The following ATRNL1 variants were observed in gnomAD, a reference collection of about 807,000 sequenced individuals.
The protein encoded by ATRNL1 is attractin like 1.
Under a neutral mutation model 182.7 loss-of-function variants are expected in ATRNL1, and 95 were observed. The ratio of observed to expected loss-of-function variants is 0.52; its 90% CI spans 0.44 to 0.62. The LOEUF (loss-of-function observed/expected upper bound fraction) is 0.62, where lower values mean the gene tolerates loss of function less well. Ranked by LOEUF, ATRNL1 falls within the 20% of genes least tolerant of loss-of-function variation. The pLI, the probability that ATRNL1 is intolerant of heterozygous loss-of-function variation, is 0.00. For missense variants in ATRNL1, 1,471 were observed against 1,679.5 expected (o/e 0.88, Z 2.17); for synonymous variants, 576 against 568.3 (o/e 1.01, Z -0.19).
chr10:115,372,183 G>A (rs1450099256), intron 19 of ATRNL1, among the ~76,000 whole-genome samples: 6 of 152,138 alleles, frequency 3.9e-5, no homozygotes, highest in Non-Finnish European at 5.9e-5. Context: ...ACTAATACAT[G>A]TTCTTTGTCC....
At chr10:115,767,102 G>A (rs1268308747) in intron 27 of ATRNL1, among the ~76,000 whole-genome samples, 2 of 152,122 alleles carry the variant, frequency 1.3e-5, no homozygotes, top group Admixed American at 1.3e-4. Flanking sequence ...GACTCACAGT[G>A]TCCCGAGAGT....
chr10:115,643,279 AAAT>A (rs1859380862), intron 26 of ATRNL1, among the ~76,000 whole-genome samples: 1 of 152,204 alleles, frequency 6.6e-6, no homozygotes. Context: ...AATATGCAAA[AAAT>A]AATAATAACT....
chr10:115,637,966 G>A (rs148538215), intron 26 of ATRNL1, among the ~76,000 whole-genome samples: 1 of 152,102 alleles, frequency 6.6e-6, no homozygotes, highest in East Asian at 1.9e-4. Flanking sequence ...TATAAATGTA[G>A]TGTGACCTAC....
intron 26 of ATRNL1, among the ~76,000 whole-genome samples, chr10:115,685,786 C>CTT (rs1946198410): frequency 6.6e-6 from 1 of 151,502 alleles, no homozygotes; most frequent in Non-Finnish European, 1.5e-5. Context: ...GCTTTTGATG[C>CTT]TTTTGTTAAG....
intron 21 of ATRNL1, among the ~76,000 whole-genome samples, chr10:115,440,781 A>T (rs1021345295): frequency 1.3e-5 from 2 of 151,776 alleles, no homozygotes; most frequent in Admixed American, 6.6e-5. Context: ...GGGGGGAAAA[A>T]AAAATCATAT....
chr10:115,480,950 C>T (rs1205932171), intron 24 of ATRNL1, among the ~76,000 whole-genome samples: 1 of 150,812 alleles, frequency 6.6e-6, no homozygotes, highest in East Asian at 1.9e-4. Flanking sequence ...TTATGACAAA[C>T]ATTTTCAACT....
intron 28 of ATRNL1, among the ~76,000 whole-genome samples, chr10:115,907,084 A>C (rs782472504): frequency 1.1e-4 from 16 of 150,214 alleles, no homozygotes; most frequent in Non-Finnish European, 1.9e-4. Context: ...TAGATGAGGA[A>C]TTTGAGGTCT....
intron 26 of ATRNL1, among the ~76,000 whole-genome samples, chr10:115,683,797 C>A (rs1400069471): frequency 6.6e-6 from 1 of 151,686 alleles, no homozygotes; most frequent in Non-Finnish European, 1.5e-5. Context: ...TTTGTATAAG[C>A]AAATTGAAAT....
At chr10:115,739,504 C>T (rs1948076980) in intron 27 of ATRNL1, among the ~76,000 whole-genome samples, 1 of 152,158 alleles carries the variant, frequency 6.6e-6, no homozygotes, top group African/African-American at 2.4e-5. Context: ...TAACTGTGCT[C>T]AACAGAATGG....
chr10:115,873,314 A>C (rs1555106532), intron 28 of ATRNL1, among the ~76,000 whole-genome samples: 1 of 152,230 alleles, frequency 6.6e-6, no homozygotes, highest in African/African-American at 2.4e-5. Flanking sequence ...TGTGGGGAAG[A>C]GTCTCCTGGG....
chr10:115,916,608 T>C (rs1169117799), intron 28 of ATRNL1, among the ~76,000 whole-genome samples: 1 of 152,252 alleles, frequency 6.6e-6, no homozygotes, highest in African/African-American at 2.4e-5. Context: ...ATCCTATTTT[T>C]GTACTCATTT....
At chr10:115,372,231 G>T (rs1857433512) in intron 19 of ATRNL1, among the ~76,000 whole-genome samples, 1 of 152,086 alleles carries the variant, frequency 6.6e-6, no homozygotes, top group Non-Finnish European at 1.5e-5. Context: ...TTGCTATTGA[G>T]TTGTTTGAGT....
At chr10:115,739,021 C>T (rs1555066924) in intron 27 of ATRNL1, among the ~76,000 whole-genome samples, 10 of 151,850 alleles carry the variant, frequency 6.6e-5, no homozygotes, top group Non-Finnish European at 1.3e-4. Context: ...TTTTTCATTG[C>T]ACTATTGAAA....
chr10:115,110,133 A>C (rs1470891666), intron 1 of ATRNL1, among the ~76,000 whole-genome samples: 1 of 152,194 alleles, frequency 6.6e-6, no homozygotes, highest in Non-Finnish European at 1.5e-5. Flanking sequence ...TATAATTTCC[A>C]AAAATATAGA....
intron 19 of ATRNL1, among the ~76,000 whole-genome samples, chr10:115,361,880 G>A (rs1592521755): frequency 6.6e-6 from 1 of 152,054 alleles, no homozygotes; most frequent in African/African-American, 2.4e-5. Context: ...TTATGATCAT[G>A]TTCACGTACT....
chr10:115,448,099 G>A (rs80176138), intron 21 of ATRNL1, among the ~76,000 whole-genome samples: 2,832 of 151,252 alleles, frequency 0.019, 105 homozygotes, highest in African/African-American at 0.066. Context: ...CATATTGTTG[G>A]CATTTTCTTA....
At chr10:115,113,904 T>C (rs993816484) in intron 1 of ATRNL1, among the ~76,000 whole-genome samples, 62 of 152,232 alleles carry the variant, frequency 4.1e-4, no homozygotes, top group African/African-American at 1.4e-3. Flanking sequence ...ACTAAATGAC[T>C]GGTATCATTG....
chr10:115,299,995 C>A (rs1853394465), intron 15 of ATRNL1, 39 bp from the exon 16 acceptor site: 1 of 1,474,814 alleles, frequency 6.8e-7, no homozygotes, highest in African/African-American at 1.4e-5. Context: ...ATTTTTACAT[C>A]TAACTTTCTT....
chr10:115,462,431 G>A (rs1565069829), intron 22 of ATRNL1, among the ~76,000 whole-genome samples: 2 of 151,930 alleles, frequency 1.3e-5, no homozygotes, highest in Non-Finnish European at 2.9e-5. Context: ...GGCCAATGTG[G>A]TGAATCCCCA....
Sources: allele counts gnomAD v4.1 joint callset (sites outside exome capture counted in the v4.1 genomes callset), GRCh38; gene constraint gnomAD v4.1.1; transcripts MANE v1.5; gene names NCBI Gene and HGNC (gene_info 2026-07-23, HGNC 2026-07-21).